PRKAR1A: variants seen among roughly 807,000 people sequenced by gnomAD.
The protein encoded by PRKAR1A is cAMP-dependent protein kinase type I-alpha regulatory subunit.
PRKAR1A carries 3 observed loss-of-function variants against 52.0 expected under a neutral mutation model. That is an observed-to-expected ratio of 0.06 (90% CI 0.03 to 0.15). The LOEUF (loss-of-function observed/expected upper bound fraction) is 0.15. Ranked by LOEUF, PRKAR1A falls within the 10% of genes least tolerant of loss-of-function variation. The probability of loss-of-function intolerance (pLI) is 1.00; values close to 1 mark genes in which losing one functional copy is unlikely to be tolerated. For missense variants in PRKAR1A, 240 were observed against 477.4 expected (o/e 0.50, Z 4.63); for synonymous variants, 188 against 168.4 (o/e 1.12, Z -0.90).
chr17:68,418,929 G>A, the PRKAR1A span, among the ~76,000 whole-genome samples: 1 of 151,378 alleles, frequency 6.6e-6, no homozygotes, highest in Non-Finnish European at 1.5e-5. Flanking sequence ...AATTTTGAGG[G>A]CTATCTTTTG....
chr17:68,541,641 G>A, intron 11 of PRKAR1A: 1 of 216,552 alleles, frequency 4.6e-6, no homozygotes. Context: ...GGATTCTCGT[G>A]TGCTCCCTGG....
chr17:68,533,333 C>T lies in PRKAR1A; in HGVS notation c.*2884C>T. 1 of 1,062,844 alleles carries T rather than the reference C, an allele frequency of 9.4e-7. No homozygotes were observed. Among genetic ancestry groups the T allele is most frequent in the Non-Finnish European group, 1.1e-6 (1 of 877,644 alleles). 65.8% of individuals were successfully genotyped at this position (1,062,844 alleles called of 1,614,324 possible). On this transcript the variant is annotated 3_prime_UTR_variant, in exon 11 of 11. Coordinates refer to ENST00000589228, the MANE Select transcript of PRKAR1A (RefSeq NM_002734.5). ...GAAGAGCATTCTTTAAATTGTGTTGCTTTGAACATGTGTACCTTTTCTAGA... is the reference window on the plus strand; with the variant it reads ...GAAGAGCATTCTTTAAATTGTGTTGTTTTGAACATGTGTACCTTTTCTAGA...
chr17:68,416,050 C>T, the PRKAR1A span, among the ~76,000 whole-genome samples: 2 of 152,078 alleles, frequency 1.3e-5, no homozygotes, highest in Non-Finnish European at 2.9e-5. Flanking sequence ...CCATTCCATT[C>T]CTCATGCTAT....
At chr17:68,544,834 T>C (rs1158559254) in intron 11 of PRKAR1A, among the ~76,000 whole-genome samples, 1 of 152,222 alleles carries the variant, frequency 6.6e-6, no homozygotes, top group African/African-American at 2.4e-5. Context: ...GAACATATCA[T>C]CTTTCAGACA....
the PRKAR1A span, among the ~76,000 whole-genome samples, chr17:68,469,114 G>A: frequency 6.6e-6 from 1 of 151,924 alleles, no homozygotes; most frequent in Non-Finnish European, 1.5e-5. Flanking sequence ...TGACTCCCAG[G>A]GAAAATTGAG....
At chr17:68,484,450 C>T in the PRKAR1A span, among the ~76,000 whole-genome samples, 3 of 140,286 alleles carry the variant, frequency 2.1e-5, no homozygotes, top group Admixed American at 7.1e-5. Context: ...ACTCACTTAT[C>T]GTGGTATCTT....
the PRKAR1A span, among the ~76,000 whole-genome samples, chr17:68,487,815 A>G: frequency 6.6e-6 from 1 of 151,696 alleles, no homozygotes; most frequent in Non-Finnish European, 1.5e-5. Context: ...AAAAAAAAAA[A>G]GAAAAAAGAA....
At chr17:68,432,423 GAGA>G in the PRKAR1A span, among the ~76,000 whole-genome samples, 8 of 152,218 alleles carry the variant, frequency 5.3e-5, no homozygotes, top group Admixed American at 2.0e-4. Flanking sequence ...GTGTCATGCT[GAGA>G]AGAAGACCCA....
At chr17:68,436,518 A>C in the PRKAR1A span, 2 of 1,592,980 alleles carry the variant, frequency 1.3e-6, no homozygotes, top group Non-Finnish European at 8.6e-7. Context: ...GCCTGGGGCC[A>C]AGGGAGAGAT....
the PRKAR1A span, among the ~76,000 whole-genome samples, chr17:68,441,309 G>A: frequency 6.6e-5 from 10 of 152,220 alleles, no homozygotes; most frequent in African/African-American, 2.4e-4. Context: ...TTACAGCTGC[G>A]TTAGATACCA....
the PRKAR1A span, among the ~76,000 whole-genome samples, chr17:68,466,778 TAC>T: frequency 6.6e-6 from 1 of 152,190 alleles, no homozygotes; most frequent in African/African-American, 2.4e-5. Flanking sequence ...AAGTGAAATT[TAC>T]ATACAGTTAA....
At chr17:68,509,892 G>A (rs563793679), upstream of PRKAR1A, among the ~76,000 whole-genome samples, 1 of 152,260 alleles carries the variant, frequency 6.6e-6, no homozygotes, top group Non-Finnish European at 1.5e-5. Context: ...GCGCCTGCAT[G>A]CAGCTGAATG....
chr17:68,439,270 T>C, the PRKAR1A span, among the ~76,000 whole-genome samples: 2 of 152,242 alleles, frequency 1.3e-5, no homozygotes, highest in Non-Finnish European at 2.9e-5. Flanking sequence ...AAATGTGATA[T>C]ATTTTTATAA....
chr17:68,527,251 T>G (rs1384786321), intron 7 of PRKAR1A, among the ~76,000 whole-genome samples: 2 of 152,138 alleles, frequency 1.3e-5, no homozygotes, highest in East Asian at 3.9e-4. Flanking sequence ...TCTATATAGC[T>G]GGGTAGGGGA....
intron 7 of PRKAR1A, among the ~76,000 whole-genome samples, chr17:68,526,581 GATAGATTAGATTAGATAGATA>G (rs2085797494): frequency 6.6e-6 from 1 of 152,154 alleles, no homozygotes; most frequent in Non-Finnish European, 1.5e-5. Flanking sequence ...GGGATATATA[GATAGATTAGATTAGATAGATA>G]GTCTTGTCCT....
chr17:68,483,890 A>C, the PRKAR1A span, among the ~76,000 whole-genome samples: 1 of 152,020 alleles, frequency 6.6e-6, no homozygotes, highest in East Asian at 1.9e-4. Context: ...AAAAGAAAAA[A>C]AATCAATTGT....
upstream of PRKAR1A, among the ~76,000 whole-genome samples, chr17:68,510,691 T>C (rs1024987676): frequency 2.6e-5 from 4 of 152,200 alleles, no homozygotes; most frequent in African/African-American, 9.6e-5. Context: ...TGAGGCTCTT[T>C]TATCCCCATT....
chr17:68,506,675 G>A, the PRKAR1A span, among the ~76,000 whole-genome samples: 253 of 152,014 alleles, frequency 1.7e-3, 2 homozygotes, highest in African/African-American at 5.7e-3. Context: ...GTAGAGACGG[G>A]GTTTCACCAT....
the PRKAR1A span, chr17:68,453,002 A>G: frequency 2.5e-6 from 4 of 1,606,506 alleles, no homozygotes; most frequent in Non-Finnish European, 3.4e-6. Flanking sequence ...TCTGTGGAGG[A>G]TAATGACAGC....
Sources: allele counts gnomAD v4.1 joint callset (sites outside exome capture counted in the v4.1 genomes callset), GRCh38; gene constraint gnomAD v4.1.1; transcripts MANE v1.5; gene names NCBI Gene and HGNC (gene_info 2026-07-23, HGNC 2026-07-21).